Variants in CAPN1 observed in about 807,000 individuals in gnomAD.
CAPN1 encodes calpain-1 catalytic subunit.
Under a neutral mutation model 105.2 loss-of-function variants are expected in CAPN1, and 77 were observed. That is an observed-to-expected ratio of 0.73 (90% CI 0.61 to 0.88). CAPN1 has a LOEUF of 0.88. CAPN1 is among the 40% of genes least tolerant of loss of function. The pLI is 0.00. For synonymous variants in CAPN1, 355 were observed against 388.8 expected (o/e 0.91, Z 1.02); for missense variants, 833 against 976.6 (o/e 0.85, Z 1.96).
At chr11:65,183,614 AG>A (rs1440167950) in intron 4 of CAPN1, 22 bp downstream of exon 4, 5 of 1,512,234 alleles carry the variant, frequency 3.3e-6, no homozygotes, top group Non-Finnish European at 4.6e-6. Context: ...CCTGGGGAGG[AG>A]GGGCAGCAGG....
intron 10 of CAPN1, among the ~76,000 whole-genome samples, chr11:65,199,395 A>G (rs1365590708): frequency 2.6e-5 from 4 of 152,108 alleles, no homozygotes; most frequent in Admixed American, 2.6e-4. Flanking sequence ...TATACGATTC[A>G]CCATGATGTG....
At chr11:65,190,261 A>G (rs1948699728) in intron 10 of CAPN1, among the ~76,000 whole-genome samples, 1 of 152,094 alleles carries the variant, frequency 6.6e-6, no homozygotes, top group Non-Finnish European at 1.5e-5. Flanking sequence ...CTTCTGCTTC[A>G]TTGCTTAACC....
chr11:65,190,711 T>TTTGTTGTTG (rs367994735), intron 10 of CAPN1, among the ~76,000 whole-genome samples: 2 of 60,714 alleles, frequency 3.3e-5, no homozygotes, highest in Non-Finnish European at 9.0e-5. Context: ...TGGTTTTTTT[T>TTTGTTGTTG]GTTTTTGTTT....
intron 10 of CAPN1, among the ~76,000 whole-genome samples, chr11:65,189,899 C>A (rs1948695494): frequency 6.6e-6 from 1 of 152,194 alleles, no homozygotes; most frequent in South Asian, 2.1e-4. Context: ...TCGGGCCTGG[C>A]CTTGCACTTC....
Position 65,208,201 on chromosome 11 carries a change from C to T in CAPN1, c.1672-4C>T, listed in dbSNP as rs138912529. On this transcript the variant is annotated splice_region_variant and splice_polypyrimidine_tract_variant and intron_variant, in intron 15 of 21. Coordinates refer to ENST00000279247, the MANE Select transcript of CAPN1 (RefSeq NM_005186.4). The surrounding 1 kb of genome is among the most constrained non-coding windows in gnomAD (Gnocchi z 4.1). ...GGCAGGTGCCACCTCCTCTCTCTCC[C>T]CAGGACATGGAGATCAGCGTGAAGG... 900 of 1,584,264 alleles carry T rather than the reference C, an allele frequency of 5.7e-4. 10 individuals carry two copies. In the East Asian group the frequency reaches 0.015, roughly 27 times the overall value.
chr11:65,207,555 A>G (rs901821650), intron 14 of CAPN1, among the ~76,000 whole-genome samples: 1 of 151,902 alleles, frequency 6.6e-6, no homozygotes. Flanking sequence ...TTTAGGTCAC[A>G]TGAGTGCTGG....
chr11:65,197,834 G>A (rs1948812785), intron 10 of CAPN1, among the ~76,000 whole-genome samples: 1 of 138,676 alleles, frequency 7.2e-6, no homozygotes, highest in Admixed American at 8.0e-5. Context: ...GTTGCAGTGA[G>A]CCAAGATTGT....
chr11:65,200,324 A>C (rs1004737572), intron 10 of CAPN1, among the ~76,000 whole-genome samples: 1 of 151,526 alleles, frequency 6.6e-6, no homozygotes, highest in Admixed American at 6.6e-5. Flanking sequence ...TACAGGCGTG[A>C]GTCTGAGTCA....
chr11:65,193,962 A>ATT lies in CAPN1; in HGVS notation c.1165+5239_1165+5240dup, dbSNP rs60784154. ...CATTCCTTCTACTTTCTTTGGATTG[A>ATT]TTTTTTTTTTTTTTTTTTTTTTTTG... On this transcript the variant is annotated intron_variant, in intron 10 of 21. Transcript: ENST00000279247. Among the ~76,000 whole-genome samples, 374 of 76,222 alleles carry ATT rather than the reference A, an allele frequency of 4.9e-3. 3 individuals are homozygous for ATT. Among genetic ancestry groups the ATT allele is most frequent in the Non-Finnish European group, 5.9e-3 (239 of 40,446 alleles). 50.0% of individuals were successfully genotyped at this position (76,222 alleles called of 152,430 possible).
At chr11:65,200,839 G>A (rs1948857781) in intron 10 of CAPN1, among the ~76,000 whole-genome samples, 1 of 151,166 alleles carries the variant, frequency 6.6e-6, no homozygotes, top group Non-Finnish European at 1.5e-5. Context: ...TGCTAGGTTG[G>A]CTAGGCTGGT....
intron 10 of CAPN1, among the ~76,000 whole-genome samples, chr11:65,193,711 TA>T (rs1948752321): frequency 6.6e-6 from 1 of 151,560 alleles, no homozygotes; most frequent in Non-Finnish European, 1.5e-5. Flanking sequence ...CTTTTTCTTT[TA>T]TTATTTTTAC....
At chr11:65,187,368 A>G (rs183924994) in intron 7 of CAPN1, 70 bp downstream of exon 7, 3 of 1,058,198 alleles carry the variant, frequency 2.8e-6, no homozygotes, top group African/African-American at 3.1e-5. Context: ...CCTCTCTGGC[A>G]CCTGACCAGG....
chr11:65,194,685 T>A (rs1445876084), intron 10 of CAPN1, among the ~76,000 whole-genome samples: 1 of 152,210 alleles, frequency 6.6e-6, no homozygotes, highest in Non-Finnish European at 1.5e-5. Flanking sequence ...TCAAGCTTCA[T>A]TTATGGTGTA....
In CAPN1 at chr11:65,211,310, C is replaced by T. The variant is rs373818421; in HGVS notation, c.*24C>T. The T allele has an allele frequency of 4.5e-5, 72 of 1,610,566 alleles. 1 individual carries two copies. Among genetic ancestry groups the T allele is most frequent in the Middle Eastern group, 1.6e-4 (1 of 6,084 alleles). Reference sequence around the variant, plus strand: ...GAGGCAGGGACTCGGTCCCCCTTGCCGTGCTCCCCTCCCTCCTCGTCTGCC... The same window carrying T: ...GAGGCAGGGACTCGGTCCCCCTTGCTGTGCTCCCCTCCCTCCTCGTCTGCC... On this transcript the variant is annotated 3_prime_UTR_variant, in exon 22 of 22. Coordinates refer to ENST00000279247, the MANE Select transcript of CAPN1 (RefSeq NM_005186.4).
At position 65,206,481 on chromosome 11, in the gene CAPN1, G is replaced by C. The variant is rs564548073; in HGVS notation, c.1372G>C (p.Val458Leu). 1 of 1,613,092 alleles carries C rather than the reference G, an allele frequency of 6.2e-7. No individual in the cohort carries two copies. The highest frequency in any genetic ancestry group is 1.1e-5 in the South Asian group (1 of 91,084). The change falls in exon 13 of 22, where the codon GTA becomes CTA. Residue 458 changes from valine (V) to leucine (L), a missense_variant. Coordinates refer to ENST00000279247, the MANE Select transcript of CAPN1 (RefSeq NM_005186.4). ...CCACCAGCTGGTGGGCCAGCCGGCC[G>C]TACACTTGAAGCGTGACTTCTTCCT... The part of the protein sequence containing the change: ...VPPELVGQPA[V>L]HLKRDFFLAN...
Position 65,182,749 on chromosome 11 carries a change from C to T in CAPN1, c.48C>T (p.Ala16=), listed in dbSNP as rs912979083. ...ITPVYCTGVS[A]QVQKQRAREL... is the part of the protein sequence containing the mutation. ...CGGTGTACTGCACTGGGGTGTCAGC[C>T]CAAGTGCAGAAGCAGCGGGCCAGGG... The change falls in exon 2 of 22, where the codon GCC becomes GCT. Residue 16 remains alanine, a synonymous_variant. Transcript: ENST00000279247. 10 of 1,582,640 alleles carry T rather than the reference C, an allele frequency of 6.3e-6. No individual in the cohort carries two copies. In the African/African-American group the frequency reaches 8.1e-5, roughly 13 times the overall value.
In CAPN1 at chr11:65,210,077, G is replaced by C. The variant is rs1949022670; in HGVS notation, c.1923G>C (p.Arg641=). ...GCAGCATGAGTGCCTACGAGATGCG[G>C]ATGGCCATTGAGTCGGCAGGTGAGA... ...KSGSMSAYEM[R]MAIESAGFKL... is the part of the protein sequence containing the mutation. The change falls in exon 19 of 22, where the codon CGG becomes CGC. Residue 641 remains arginine, a synonymous_variant. Coordinates refer to ENST00000279247, the MANE Select transcript of CAPN1 (RefSeq NM_005186.4). The surrounding 1 kb of genome is among the most constrained non-coding windows in gnomAD (Gnocchi z 4.3). The C allele has an allele frequency of 1.2e-6, 2 of 1,612,790 alleles. No homozygotes were observed. Among genetic ancestry groups the C allele is most frequent in the East Asian group, 2.2e-5 (1 of 44,860 alleles).
chr11:65,206,269 G>A, intron 12 of CAPN1, 194 bp from the exon 13 acceptor site: 1 of 602,200 alleles, frequency 1.7e-6, no homozygotes, highest in Non-Finnish European at 3.0e-6. Flanking sequence ...GCAGTGAGTA[G>A]GGTTGTTACA....
Position 65,182,972 on chromosome 11 carries a change from A to G in CAPN1, c.267+4A>G. On this transcript the variant is annotated splice_donor_region_variant and intron_variant, in intron 2 of 21. Coordinates refer to ENST00000279247, the MANE Select transcript of CAPN1 (RefSeq NM_005186.4). ...CATCAAGTGGAAGCGTCCCACGGTGAGAGGGGCCATCCTGGGTGGGACTCG... is the reference window on the plus strand; with the variant it reads ...CATCAAGTGGAAGCGTCCCACGGTGGGAGGGGCCATCCTGGGTGGGACTCG... 1 of 1,613,300 alleles carries G rather than the reference A, an allele frequency of 6.2e-7. No homozygotes were observed. The highest frequency in any genetic ancestry group is 1.1e-5 in the South Asian group (1 of 91,054).
Sources: gnomAD v4.1 joint callset for allele counts (sites outside exome capture counted in the v4.1 genomes callset) on GRCh38, gnomAD v4.1.1 for gene constraint, Gnocchi (gnomAD v3.1) non-coding constraint, MANE v1.5 for transcripts, NCBI Gene and HGNC (gene_info 2026-07-23, HGNC 2026-07-21) for gene names.